Variants in PLGLB1 observed in about 807,000 individuals in gnomAD.
PLGLB1 encodes plasminogen-like protein B.
At chr2:87,021,097 C>T (rs1368334309) in intron 1 of PLGLB1, among the ~76,000 whole-genome samples, 2 of 140,814 alleles carry the variant, frequency 1.4e-5, no homozygotes, top group Non-Finnish European at 3.1e-5. Flanking sequence ...CATTCACACA[C>T]AGGTATGTAT....
In PLGLB1 at chr2:87,010,981, A is replaced by G; in HGVS notation, c.*2140T>C. The G allele has an allele frequency of 5.3e-6, 1 of 188,262 alleles. No homozygotes were observed. Among genetic ancestry groups the G allele is most frequent in the Non-Finnish European group, 9.3e-6 (1 of 107,368 alleles). The allele number at this position is 188,262 out of a possible 1,614,324, so 11.7% of individuals were successfully genotyped here. On this transcript the variant is annotated 3_prime_UTR_variant, in exon 4 of 4. Coordinates refer to ENST00000355705, the MANE Select transcript of PLGLB1 (RefSeq NM_001032392.4). ...CTCCTTTCCGAGAGGTGAACACGTT[A>G]CGCAATTATTAATAATATCCCTGTG...
intron 2 of PLGLB1, among the ~76,000 whole-genome samples, chr2:87,016,915 T>C (rs1682346615): frequency 7.7e-6 from 1 of 129,902 alleles, no homozygotes; most frequent in African/African-American, 3.2e-5. Context: ...CTACACAAAG[T>C]CTCTGCTTTA....
chr2:87,019,193 G>C (rs1457620221), intron 1 of PLGLB1, among the ~76,000 whole-genome samples: 1 of 80,342 alleles, frequency 1.2e-5, no homozygotes, highest in Non-Finnish European at 2.4e-5. Context: ...TATCCAGTAG[G>C]AAGGCAAATG....
chr2:87,015,279 T>C (rs1682325824), intron 3 of PLGLB1, among the ~76,000 whole-genome samples: 1 of 71,546 alleles, frequency 1.4e-5, no homozygotes, highest in Non-Finnish European at 2.4e-5. Context: ...AAAGTTTAGA[T>C]TTCATCTGTA....
rs1369265114 is a variant in PLGLB1 at position 87,018,390 on chromosome 2, T to G, written c.50-702A>C. 8.6e-5 allele frequency: 6 copies of G among 69,920 alleles called. 1 individual carries two copies. Among genetic ancestry groups the G allele is most frequent in the Non-Finnish European group, 1.6e-4 (6 of 37,780 alleles). The allele number at this position is 69,920 out of a possible 1,614,324, so 4.3% of individuals were successfully genotyped here. Reference sequence around the variant, plus strand: ...TTGGTTCTGACACTGTCACTTGAACTGGTGGGAAGCATCCTCTGAATGGTC... The same window carrying G: ...TTGGTTCTGACACTGTCACTTGAACGGGTGGGAAGCATCCTCTGAATGGTC... On this transcript the variant is annotated intron_variant, in intron 1 of 3. Coordinates refer to ENST00000355705, the MANE Select transcript of PLGLB1 (RefSeq NM_001032392.4).
intron 1 of PLGLB1, among the ~76,000 whole-genome samples, chr2:87,020,900 T>A (rs1292151001): frequency 5.3e-5 from 8 of 150,670 alleles, no homozygotes; most frequent in Non-Finnish European, 1.0e-4. Context: ...CCTAGATTCC[T>A]TCTGGGAAAC....
chr2:87,014,702 C>CA (rs1682309369), intron 3 of PLGLB1, among the ~76,000 whole-genome samples: 1 of 127,314 alleles, frequency 7.9e-6, no homozygotes, highest in Non-Finnish European at 1.7e-5. Context: ...GCCAAGCAAA[C>CA]AGCAGCCGGG....
At chr2:87,018,664 CCTGGGACAAATA>C (rs1449440830) in intron 1 of PLGLB1, 2 of 39,460 alleles carry the variant, frequency 5.1e-5, no homozygotes, top group Non-Finnish European at 8.1e-5. Flanking sequence ...AAAAGCAGAA[CCTGGGACAAATA>C]CTGGTCTTGG....
At chr2:87,017,070 C>T (rs576971939) in intron 2 of PLGLB1, among the ~76,000 whole-genome samples, 92 of 143,994 alleles carry the variant, frequency 6.4e-4, no homozygotes, top group African/African-American at 2.2e-3. Context: ...CTGCCTCAAC[C>T]TTAGGCACTG....
rs1335036473 is a variant in PLGLB1, at chr2:87,011,518, CCTG to C, written c.*1600_*1602del. Among the ~76,000 whole-genome samples the C allele has an allele frequency of 3.4e-5, 1 of 29,446 alleles. No individual in the cohort carries two copies. The highest frequency in any genetic ancestry group is 6.5e-5 in the Non-Finnish European group (1 of 15,362). 19.3% of individuals were successfully genotyped at this position (29,446 alleles called of 152,430 possible). On this transcript the variant is annotated 3_prime_UTR_variant, in exon 4 of 4. Coordinates refer to ENST00000355705, the MANE Select transcript of PLGLB1 (RefSeq NM_001032392.4). Reference sequence around the variant, plus strand: ...CCATGGTCTTAATTCATTCCAAACACCTGCTTTTGTCAGTTGCCCTTTTCTCTG... The same window carrying C: ...CCATGGTCTTAATTCATTCCAAACACCTTTTGTCAGTTGCCCTTTTCTCTG...
Position 87,011,742 on chromosome 2 carries a change from A to AAAT in PLGLB1, c.*1376_*1378dup, listed in dbSNP as rs1682226455. On this transcript the variant is annotated 3_prime_UTR_variant, in exon 4 of 4. Transcript: ENST00000355705. ...AACAAAACAAAACTTGCCTAAGCAT[A>AAAT]AATAGCTATGAAGAAGCAGATCAAG... 4.2e-5 allele frequency among the ~76,000 whole-genome samples: 5 copies of AAAT among 118,140 alleles called. 1 individual carries two copies. The highest frequency in any genetic ancestry group is 9.3e-5 in the Non-Finnish European group (5 of 54,032). The allele number at this position is 118,140 out of a possible 152,430, so 77.5% of individuals were successfully genotyped here.
chr2:87,017,028 C>T (rs1358425463), intron 2 of PLGLB1, among the ~76,000 whole-genome samples: 7 of 136,640 alleles, frequency 5.1e-5, no homozygotes, highest in South Asian at 2.5e-4. Context: ...AAACCCAGCT[C>T]GGTTCCCACC....
chr2:87,014,695 A>T (rs2104875036), intron 3 of PLGLB1, among the ~76,000 whole-genome samples: 1 of 128,542 alleles, frequency 7.8e-6, no homozygotes, highest in Middle Eastern at 3.7e-3. Context: ...TTAGCAAGCC[A>T]AGCAAACAGC....
At chr2:87,017,030 G>C (rs1348493005) in intron 2 of PLGLB1, among the ~76,000 whole-genome samples, 1 of 136,886 alleles carries the variant, frequency 7.3e-6, no homozygotes, top group Non-Finnish European at 1.6e-5. Flanking sequence ...ACCCAGCTCG[G>C]TTCCCACCTC....
At chr2:87,020,867 C>G (rs1682405663) in intron 1 of PLGLB1, among the ~76,000 whole-genome samples, 7 of 148,464 alleles carry the variant, frequency 4.7e-5, no homozygotes, top group Admixed American at 4.7e-4. Flanking sequence ...AAGGCTTAAA[C>G]AAAGCTGAAA....
intron 1 of PLGLB1, among the ~76,000 whole-genome samples, chr2:87,020,702 C>T (rs1682401640): frequency 1.4e-5 from 2 of 138,580 alleles, no homozygotes; most frequent in Non-Finnish European, 3.0e-5. Flanking sequence ...AAAATTTATT[C>T]TGATGGTGGC....
intron 1 of PLGLB1, among the ~76,000 whole-genome samples, chr2:87,020,883 G>A (rs1346329557): frequency 6.7e-6 from 1 of 149,236 alleles, no homozygotes; most frequent in Non-Finnish European, 1.5e-5. Flanking sequence ...TGAAAAGTGA[G>A]AAGAGCCCTA....
At chr2:87,021,022 T>A (rs1335563449) in intron 1 of PLGLB1, among the ~76,000 whole-genome samples, 2 of 151,744 alleles carry the variant, frequency 1.3e-5, no homozygotes, top group African/African-American at 4.9e-5. Flanking sequence ...AGGGTGAATA[T>A]GCTACCCTAC....
intron 2 of PLGLB1, among the ~76,000 whole-genome samples, chr2:87,017,204 G>A (rs1292233315): frequency 3.6e-5 from 5 of 138,214 alleles, no homozygotes; most frequent in African/African-American, 1.3e-4. Flanking sequence ...ACTGGATCTT[G>A]TAGCTATAAG....
Sources: allele counts gnomAD v4.1 joint callset (sites outside exome capture counted in the v4.1 genomes callset), GRCh38; gene constraint gnomAD v4.1.1; transcripts MANE v1.5; gene names NCBI Gene and HGNC (gene_info 2026-07-23, HGNC 2026-07-21).